The following RPGRIP1L variants were observed in gnomAD, a reference collection of about 807,000 sequenced individuals.
RPGRIP1L encodes RPGRIP1 like.
Under a neutral mutation model 160.4 loss-of-function variants are expected in RPGRIP1L, and 131 were observed. The observed-to-expected ratio is 0.82, with a 90% CI of 0.71 to 0.94. RPGRIP1L has a LOEUF of 0.94. Ranked by LOEUF, RPGRIP1L falls within the 40% of genes least tolerant of loss-of-function variation. RPGRIP1L has a pLI of 0.00. For synonymous variants in RPGRIP1L, 510 were observed against 515.8 expected, an observed-to-expected ratio of 0.99 and a Z score of 0.15; for missense variants, 1,522 against 1,535.8, an observed-to-expected ratio of 0.99 and a Z score of 0.15.
At chr16:53,703,003 TC>T (rs964687578) in intron 1 of RPGRIP1L, among the ~76,000 whole-genome samples, 27 of 152,216 alleles carry the variant, frequency 1.8e-4, no homozygotes, top group African/African-American at 6.5e-4. Flanking sequence ...GCGTGGTGGC[TC>T]ACACCTGTAA....
At chr16:53,684,932 A>G (rs1049396458) in intron 6 of RPGRIP1L, among the ~76,000 whole-genome samples, 1 of 152,154 alleles carries the variant, frequency 6.6e-6, no homozygotes, top group Non-Finnish European at 1.5e-5. Flanking sequence ...GACAACCTAT[A>G]GAATGGGAGA....
chr16:53,648,600 A>ATACG (rs957245162), intron 16 of RPGRIP1L, among the ~76,000 whole-genome samples: 3 of 144,168 alleles, frequency 2.1e-5, no homozygotes. Context: ...AATTGCACAT[A>ATACG]TACGTACGCG....
rs1963276259 is a variant in RPGRIP1L at position 53,598,929 on chromosome 16, AT to A, written c.*3146del. The A allele has an allele frequency of 1.3e-5, 2 of 151,986 alleles. No individual in the cohort carries two copies. Among genetic ancestry groups the A allele is most frequent in the Admixed American group, 6.6e-5 (1 of 15,230 alleles). The allele number at this position is 151,986 out of a possible 1,614,324, so 9.4% of individuals were successfully genotyped here. ...ATATTTGTTCACAGACATGATTCAC[AT>A]TTTTCTATCTAGTGCATAAGGAAAT... is the stretch of plus-strand genomic sequence containing the variant. On this transcript the variant is annotated 3_prime_UTR_variant, in exon 27 of 27. Coordinates refer to ENST00000647211, the MANE Select transcript of RPGRIP1L (RefSeq NM_015272.5).
intron 25 of RPGRIP1L, among the ~76,000 whole-genome samples, chr16:53,608,987 C>T (rs775566327): frequency 3.2e-4 from 49 of 152,214 alleles, no homozygotes; most frequent in South Asian, 4.1e-4. Flanking sequence ...TTGGCACCTG[C>T]AATACCTCTC....
chr16:53,658,349 G>T, intron 12 of RPGRIP1L, 65 bp downstream of exon 12: 1 of 1,127,712 alleles, frequency 8.9e-7, no homozygotes, highest in Non-Finnish European at 1.4e-6. Context: ...TACAGATAAG[G>T]GTCATCATTA....
chr16:53,625,946 T>G (rs1005067219), intron 22 of RPGRIP1L, among the ~76,000 whole-genome samples: 1 of 151,762 alleles, frequency 6.6e-6, no homozygotes, highest in Non-Finnish European at 1.5e-5. Context: ...GAAGGCAGCA[T>G]GCTCGTTAAG....
Position 53,687,905 on chromosome 16 carries a change from C to T in RPGRIP1L, c.590G>A (p.Gly197Asp). 6.2e-7 allele frequency: 1 copy of T among 1,611,684 alleles called. No homozygotes were observed. The highest frequency in any genetic ancestry group is 8.5e-7 in the Non-Finnish European group (1 of 1,178,260). Reference sequence around the variant, plus strand: ...TCTGGCTTCTTCAAGTAAACTGTTGCCATATTTTGTAAACATGGGATGTGG... The same window carrying T: ...TCTGGCTTCTTCAAGTAAACTGTTGTCATATTTTGTAAACATGGGATGTGG... ...ETPHPMFTKYGNSLLEEARGE... is the reference protein window; with the variant it reads ...ETPHPMFTKYDNSLLEEARGE... Residue 197 changes from glycine (G) to aspartate (D), a missense_variant, in exon 5 of 27, where the codon GGC becomes GAC. Transcript: ENST00000647211.
At chr16:53,629,189 G>T (rs1965357969) in intron 22 of RPGRIP1L, among the ~76,000 whole-genome samples, 1 of 152,114 alleles carries the variant, frequency 6.6e-6, no homozygotes, top group Non-Finnish European at 1.5e-5. Flanking sequence ...CACCAGGGGA[G>T]CTATAAACAA....
chr16:53,651,659 C>G (rs1598327563), intron 15 of RPGRIP1L, among the ~76,000 whole-genome samples: 1 of 152,124 alleles, frequency 6.6e-6, no homozygotes. Context: ...TTCTTTACCC[C>G]CTCAGAGAAG....
Position 53,696,241 on chromosome 16 carries a change from C to T in RPGRIP1L, c.140G>A (p.Arg47His), listed in dbSNP as rs773558676. ...CAAAAATCTGTCTTCCAGTTCCTCA[C>T]GACTGACACGTGACACTGCCTGGCG... ...KSRQAVSRVS[R>H]EELEDRFLRL... The change falls in exon 3 of 27, where the codon CGT becomes CAT. Residue 47 changes from arginine to histidine, a missense_variant. By Grantham distance (29) the Arg-to-His change is conservative (BLOSUM62 0). Coordinates refer to ENST00000647211, the MANE Select transcript of RPGRIP1L (RefSeq NM_015272.5). 8.1e-6 allele frequency: 13 copies of T among 1,613,902 alleles called. No individual in the cohort carries two copies. The highest frequency in any genetic ancestry group is 6.7e-5 in the African/African-American group (5 of 74,908).
At chr16:53,619,331 A>C (rs1325940303) in intron 23 of RPGRIP1L, 123 bp from the exon 24 acceptor site, 10 of 799,766 alleles carry the variant, frequency 1.3e-5, no homozygotes, top group Non-Finnish European at 2.1e-5. Context: ...CTTTTCTTGA[A>C]TGCAATGTAC....
At position 53,641,335 on chromosome 16, in the gene RPGRIP1L, C is replaced by G; in HGVS notation, c.2824G>C (p.Glu942Gln). ...LGNFIRSEEP[E>Q]VVQRLPPASS... ...GCTGGAGGAAGTCTTTGAACAACTTCTGGCTCTTCGCTGCGAATGAAATTT... is the reference window on the plus strand; with the variant it reads ...GCTGGAGGAAGTCTTTGAACAACTTGTGGCTCTTCGCTGCGAATGAAATTT... The change falls in exon 18 of 27, where the codon GAA becomes CAA. Residue 942 changes from glutamate to glutamine, a missense_variant. By Grantham distance (29) the Glu-to-Gln change is conservative. Coordinates refer to ENST00000647211, the MANE Select transcript of RPGRIP1L (RefSeq NM_015272.5). 4 of 1,614,092 alleles carry G rather than the reference C, an allele frequency of 2.5e-6. No homozygotes were observed. Among genetic ancestry groups the G allele is most frequent in the Non-Finnish European group, 3.4e-6 (4 of 1,179,996 alleles).
intron 3 of RPGRIP1L, chr16:53,695,733 T>G (rs551488128): frequency 1.1e-3 from 405 of 372,986 alleles, no homozygotes; most frequent in African/African-American, 7.5e-3. Context: ...ACTGAAGTGA[T>G]GTTTTCATTA....
intron 16 of RPGRIP1L, among the ~76,000 whole-genome samples, chr16:53,648,461 G>A (rs1253459511): frequency 6.6e-6 from 1 of 152,162 alleles, no homozygotes; most frequent in Non-Finnish European, 1.5e-5. Flanking sequence ...CAGCAGTATT[G>A]TGATGATTAA....
intron 23 of RPGRIP1L, 45 bp downstream of exon 23, chr16:53,622,174 C>G: frequency 1.7e-6 from 1 of 580,934 alleles, no homozygotes; most frequent in South Asian, 2.1e-5. Context: ...ACCAGCATGG[C>G]CAACATAGTG....
chr16:53,649,862 G>A (rs1284908299), intron 15 of RPGRIP1L, among the ~76,000 whole-genome samples: 2 of 152,100 alleles, frequency 1.3e-5, no homozygotes, highest in African/African-American at 4.8e-5. Flanking sequence ...TTTCTTGAGA[G>A]CAAGGGCCAT....
At chr16:53,699,583 A>G (rs1165777780) in intron 2 of RPGRIP1L, among the ~76,000 whole-genome samples, 2 of 152,162 alleles carry the variant, frequency 1.3e-5, no homozygotes, top group Admixed American at 1.3e-4. Context: ...AGTTATTTGT[A>G]TAATACTTGA....
At chr16:53,632,021 C>A (rs969765662) in intron 22 of RPGRIP1L, among the ~76,000 whole-genome samples, 1 of 152,118 alleles carries the variant, frequency 6.6e-6, no homozygotes. Flanking sequence ...CAAAGTGAAG[C>A]TCATAAATGT....
chr16:53,696,361 T>C, intron 2 of RPGRIP1L, 66 bp from the exon 3 acceptor site: 2 of 1,524,542 alleles, frequency 1.3e-6, no homozygotes, highest in Non-Finnish European at 1.8e-6. Context: ...CTCTTGATAT[T>C]AATATAATCT....
Sources: allele counts gnomAD v4.1 joint callset (sites outside exome capture counted in the v4.1 genomes callset), GRCh38; gene constraint gnomAD v4.1.1; transcripts MANE v1.5; gene names NCBI Gene and HGNC (gene_info 2026-07-23, HGNC 2026-07-21).